PPP2R2B: variants seen among roughly 807,000 people sequenced by gnomAD.
PPP2R2B encodes the protein serine/threonine-protein phosphatase 2A 55 kDa regulatory subunit B beta isoform.
A neutral mutation model predicts 46.0 loss-of-function variants in PPP2R2B; 5 were observed. The ratio of observed to expected loss-of-function variants is 0.11; its 90% CI spans 0.06 to 0.23. The LOEUF is 0.23. PPP2R2B is among the 10% of genes least tolerant of loss of function. The pLI, the probability that PPP2R2B is intolerant of heterozygous loss-of-function variation, is 1.00. For missense variants in PPP2R2B, 367 were observed against 575.0 expected (o/e 0.64, Z 3.70); for synonymous variants, 215 against 206.7 (o/e 1.04, Z -0.34).
chr5:146,786,950 A>G (rs1368599242), intron 2 of PPP2R2B, among the ~76,000 whole-genome samples: 2 of 152,248 alleles, frequency 1.3e-5, no homozygotes, highest in East Asian at 1.9e-4. Context: ...AGTCAAATGC[A>G]TAAGGCTTTA....
chr5:146,852,852 A>G (rs903879691), intron 2 of PPP2R2B, among the ~76,000 whole-genome samples: 3 of 152,166 alleles, frequency 2.0e-5, no homozygotes, highest in Non-Finnish European at 4.4e-5. Flanking sequence ...TTTGACAAAA[A>G]AGCGGAGGCA....
At chr5:146,969,434 T>A (rs1054390477) in intron 1 of PPP2R2B, among the ~76,000 whole-genome samples, 3 of 152,186 alleles carry the variant, frequency 2.0e-5, no homozygotes, top group Non-Finnish European at 4.4e-5. Flanking sequence ...CCAGGACATA[T>A]AAACCATATC....
At chr5:146,828,420 G>A (rs530160140) in intron 2 of PPP2R2B, among the ~76,000 whole-genome samples, 4 of 152,244 alleles carry the variant, frequency 2.6e-5, no homozygotes, top group Admixed American at 2.0e-4. Flanking sequence ...CTTTCAGAAT[G>A]TTCCTTATTT....
chr5:147,058,677 T>A (rs1483410008), upstream of PPP2R2B, among the ~76,000 whole-genome samples: 4 of 152,214 alleles, frequency 2.6e-5, no homozygotes. Context: ...TCTACCCACA[T>A]GCAGAATGGG....
chr5:146,751,160 G>T lies in PPP2R2B; in HGVS notation c.71-50018C>A, dbSNP rs918765820. The T allele has an allele frequency of 2.0e-5, 3 of 152,312 alleles. No homozygotes were observed. The South Asian group carries it at 6.2e-4, about 32-fold the overall frequency. 9.4% of individuals were successfully genotyped at this position (152,312 alleles called of 1,614,324 possible). ...CAGAGAATCCAAATCGTGGCATGAGGTACTCTTGAGAAGGTTAATTCAGTT... is the reference window on the plus strand; with the variant it reads ...CAGAGAATCCAAATCGTGGCATGAGTTACTCTTGAGAAGGTTAATTCAGTT... On this transcript the variant is annotated intron_variant, in intron 2 of 9. Transcript: ENST00000394411.
rs560321408 is a variant in PPP2R2B, at chr5:146,791,023, A to G, written c.70+86979T>C. ...TCTCCATTCAAAACACCCCAAAGGA[A>G]GATGAAAAAGAAGAAAAGGCAAAGA... On this transcript the variant is annotated intron_variant, in intron 2 of 9. Transcript: ENST00000394411. Among the ~76,000 whole-genome samples the G allele has an allele frequency of 1.3e-4, 20 of 152,326 alleles. No individual in the cohort carries two copies. The East Asian group carries it at 3.9e-3, about 29-fold the overall frequency.
intron 2 of PPP2R2B, among the ~76,000 whole-genome samples, chr5:146,708,010 T>C (rs544430989): frequency 6.6e-6 from 1 of 152,184 alleles, no homozygotes; most frequent in East Asian, 1.9e-4. Context: ...TCAAACTGAA[T>C]GAAAGATTTT....
intron 1 of PPP2R2B, among the ~76,000 whole-genome samples, chr5:146,893,712 C>T (rs1032195661): frequency 6.6e-6 from 1 of 151,974 alleles, no homozygotes; most frequent in Non-Finnish European, 1.5e-5. Context: ...CAGAGGCTGT[C>T]AGTGGGTGGG....
At chr5:146,836,609 A>G (rs1759298882) in intron 2 of PPP2R2B, among the ~76,000 whole-genome samples, 1 of 152,158 alleles carries the variant, frequency 6.6e-6, no homozygotes, top group African/African-American at 2.4e-5. Flanking sequence ...AGAGACTTTG[A>G]GGTTCTGTGG....
At chr5:146,851,184 A>T (rs1760327330) in intron 2 of PPP2R2B, among the ~76,000 whole-genome samples, 1 of 152,132 alleles carries the variant, frequency 6.6e-6, no homozygotes, top group South Asian at 2.1e-4. Context: ...TCCCTCAGAG[A>T]TCTGTTTATT....
At chr5:146,715,929 C>T (rs7711884) in intron 2 of PPP2R2B, among the ~76,000 whole-genome samples, 29,326 of 150,532 alleles carry the variant, frequency 0.19, 2,937 homozygotes, top group East Asian at 0.36. Context: ...ATCATTGTCA[C>T]ACACTCCATC....
At chr5:146,666,771 C>T (rs1236495965) in intron 5 of PPP2R2B, among the ~76,000 whole-genome samples, 2 of 152,240 alleles carry the variant, frequency 1.3e-5, no homozygotes, top group African/African-American at 4.8e-5. Flanking sequence ...TCTACCAGCA[C>T]AGGCATTTAT....
At chr5:146,902,977 ACT>A (rs774886976) in intron 1 of PPP2R2B, among the ~76,000 whole-genome samples, 13 of 152,138 alleles carry the variant, frequency 8.5e-5, no homozygotes, top group South Asian at 4.1e-4. Flanking sequence ...TGCTTTTGTA[ACT>A]CTCATTCTCT....
intron 7 of PPP2R2B, among the ~76,000 whole-genome samples, chr5:146,631,609 C>G (rs2151070703): frequency 6.6e-6 from 1 of 152,314 alleles, no homozygotes; most frequent in East Asian, 1.9e-4. Context: ...GAACCTCTCC[C>G]TTCAAGACTG....
At chr5:146,629,856 T>C (rs1774313663) in intron 7 of PPP2R2B, among the ~76,000 whole-genome samples, 1 of 151,498 alleles carries the variant, frequency 6.6e-6, no homozygotes, top group South Asian at 2.1e-4. Flanking sequence ...CTCTGTTGCC[T>C]AGGCTAGAGT....
chr5:146,696,943 C>T (rs1443063056), intron 4 of PPP2R2B, among the ~76,000 whole-genome samples: 3 of 152,120 alleles, frequency 2.0e-5, no homozygotes, highest in Non-Finnish European at 2.9e-5. Context: ...ACAAGTTGCC[C>T]ATACTGCACA....
intron 2 of PPP2R2B, among the ~76,000 whole-genome samples, chr5:146,833,231 G>A (rs944829602): frequency 6.6e-6 from 1 of 152,008 alleles, no homozygotes; most frequent in African/African-American, 2.4e-5. Context: ...TTACATATTT[G>A]TGCAGTGTGT....
rs537789789 is a variant in PPP2R2B, at chr5:146,707,612, G to A, written c.71-6470C>T. ...CCTGATGGACATGGTGGAGGCAGGA[G>A]TGGAGGCAGGCGGGCTGAACCAGGC... On this transcript the variant is annotated intron_variant, in intron 2 of 9. Coordinates refer to ENST00000394411, the MANE Select transcript of PPP2R2B (RefSeq NM_181675.4). 19 of 644,172 alleles carry A rather than the reference G, an allele frequency of 2.9e-5. 1 individual carries two copies. The highest frequency in any genetic ancestry group is 2.0e-4 in the African/African-American group (11 of 56,208). The allele number at this position is 644,172 out of a possible 1,614,324, so 39.9% of individuals were successfully genotyped here.
chr5:146,997,242 A>G (rs1259311845), intron 1 of PPP2R2B, among the ~76,000 whole-genome samples: 1 of 152,168 alleles, frequency 6.6e-6, no homozygotes, highest in African/African-American at 2.4e-5. Context: ...AGGTCTGAAA[A>G]AGAAGGGGAT....
Sources: allele counts gnomAD v4.1 joint callset (sites outside exome capture counted in the v4.1 genomes callset), GRCh38; gene constraint gnomAD v4.1.1; transcripts MANE v1.5; gene names NCBI Gene and HGNC (gene_info 2026-07-23, HGNC 2026-07-21).